NUBPL: variants seen among roughly 807,000 people sequenced by gnomAD.
NUBPL encodes NUBP iron-sulfur cluster assembly factor, mitochondrial, also known as iron-sulfur cluster transfer protein NUBPL.
NUBPL carries 31 observed loss-of-function variants against 45.7 expected under a neutral mutation model. The observed-to-expected ratio is 0.68, with a 90% CI of 0.51 to 0.92. The LOEUF (loss-of-function observed/expected upper bound fraction) is 0.92, where lower values mean the gene tolerates loss of function less well. Ranked by LOEUF, NUBPL falls within the 40% of genes least tolerant of loss-of-function variation. The probability of loss-of-function intolerance (pLI) is 0.00; values close to 1 mark genes in which losing one functional copy is unlikely to be tolerated. For missense variants in NUBPL, 401 were observed against 398.7 expected, an observed-to-expected ratio of 1.01 and a Z score of -0.05; for synonymous variants, 144 against 140.9, an observed-to-expected ratio of 1.02 and a Z score of -0.15.
intron 3 of NUBPL, among the ~76,000 whole-genome samples, chr14:31,567,756 T>C (rs1460323333): frequency 6.6e-6 from 1 of 152,222 alleles, no homozygotes; most frequent in Admixed American, 6.5e-5. Context: ...GTTCTTGTAA[T>C]GTGGCTGTTG....
intron 6 of NUBPL, among the ~76,000 whole-genome samples, chr14:31,679,337 G>A (rs951697727): frequency 2.0e-5 from 3 of 151,960 alleles, no homozygotes; most frequent in South Asian, 2.1e-4. Flanking sequence ...CGTTGGGGGC[G>A]GGGGGCAATT....
chr14:31,731,590 A>G (rs150794584), intron 6 of NUBPL, among the ~76,000 whole-genome samples: 5 of 152,354 alleles, frequency 3.3e-5, no homozygotes, highest in East Asian at 3.9e-4. Context: ...GATGCCAGGA[A>G]TGGATACAAA....
intron 3 of NUBPL, among the ~76,000 whole-genome samples, chr14:31,588,873 C>G (rs1345520958): frequency 6.9e-6 from 1 of 145,742 alleles, no homozygotes; most frequent in African/African-American, 2.5e-5. Context: ...GAGCCAAGAT[C>G]GTGCCACTCC....
At chr14:31,713,122 G>A (rs893538001) in intron 6 of NUBPL, among the ~76,000 whole-genome samples, 1 of 152,118 alleles carries the variant, frequency 6.6e-6, no homozygotes, top group Non-Finnish European at 1.5e-5. Context: ...TAAGACAAAC[G>A]TTAGTTTTAA....
intron 7 of NUBPL, among the ~76,000 whole-genome samples, chr14:31,799,511 T>G (rs1050813510): frequency 6.6e-6 from 1 of 152,182 alleles, no homozygotes; most frequent in Non-Finnish European, 1.5e-5. Flanking sequence ...TTGGGAATAT[T>G]ACAGGTTTGG....
At position 31,720,926 on chromosome 14, in the gene NUBPL, A is replaced by G. The variant is rs1003943947; in HGVS notation, c.513+47352A>G. Among the ~76,000 whole-genome samples, 3 of 152,218 alleles carry G rather than the reference A, an allele frequency of 2.0e-5. No homozygotes were observed. The South Asian group carries it at 6.2e-4, about 31-fold the overall frequency. On this transcript the variant is annotated intron_variant, in intron 6 of 10. Transcript: ENST00000281081. ...GTTTCCATAACCCTTACAATGAACC[A>G]TTTAAAGAGCCCTTGAATTCCTTCA...
chr14:31,590,546 G>C (rs964513939), intron 3 of NUBPL, among the ~76,000 whole-genome samples: 1 of 152,176 alleles, frequency 6.6e-6, no homozygotes, highest in Non-Finnish European at 1.5e-5. Context: ...CTTTTCTTTA[G>C]AAGAGCTGCT....
At chr14:31,726,050 A>C (rs1687819238) in intron 6 of NUBPL, among the ~76,000 whole-genome samples, 1 of 152,140 alleles carries the variant, frequency 6.6e-6, no homozygotes, top group South Asian at 2.1e-4. Flanking sequence ...TTTATCTAGA[A>C]GTGTCAAACA....
At chr14:31,799,031 GAGAAATGTTGTGAATT>G (rs1459941240) in intron 7 of NUBPL, among the ~76,000 whole-genome samples, 7 of 151,994 alleles carry the variant, frequency 4.6e-5, no homozygotes, top group African/African-American at 1.7e-4. Context: ...GCAGTTAGTA[GAGAAATGTTGTGAATT>G]AGAAAGAGCC....
chr14:31,702,839 T>A (rs2037368755), intron 6 of NUBPL, among the ~76,000 whole-genome samples: 1 of 152,236 alleles, frequency 6.6e-6, no homozygotes, highest in Admixed American at 6.5e-5. Context: ...CTTTATGCTG[T>A]TTAGGACTTC....
chr14:31,812,542 G>C (rs1180010458), intron 7 of NUBPL, among the ~76,000 whole-genome samples: 2 of 152,204 alleles, frequency 1.3e-5, no homozygotes, highest in African/African-American at 2.4e-5. Context: ...CAGTCTGTCA[G>C]GGCTTCCCTT....
At chr14:31,843,332 A>G (rs955736630) in intron 8 of NUBPL, among the ~76,000 whole-genome samples, 2 of 152,226 alleles carry the variant, frequency 1.3e-5, no homozygotes, top group Admixed American at 6.5e-5. Context: ...AAATGGACAT[A>G]TTTTAGACAG....
chr14:31,793,791 ACT>A (rs1021704109), intron 7 of NUBPL, among the ~76,000 whole-genome samples: 1 of 146,374 alleles, frequency 6.8e-6, no homozygotes, highest in Non-Finnish European at 1.5e-5. Context: ...ACTAGCTATT[ACT>A]GTTTATGTAG....
At chr14:31,694,550 C>T (rs1264495240) in intron 6 of NUBPL, among the ~76,000 whole-genome samples, 2 of 152,160 alleles carry the variant, frequency 1.3e-5, no homozygotes, top group African/African-American at 4.8e-5. Flanking sequence ...GAGTATTGCT[C>T]TGTCGCCCAG....
chr14:31,593,996 A>G (rs2034217825), intron 3 of NUBPL, among the ~76,000 whole-genome samples: 2 of 152,268 alleles, frequency 1.3e-5, no homozygotes, highest in South Asian at 4.1e-4. Flanking sequence ...TACACTGGAG[A>G]GAGACTTGGG....
chr14:31,640,614 C>CAAA (rs59871107), intron 4 of NUBPL, among the ~76,000 whole-genome samples: 1 of 97,028 alleles, frequency 1.0e-5, no homozygotes, highest in Non-Finnish European at 2.2e-5. Flanking sequence ...GACTCTGTCT[C>CAAA]AAAAAAAAAA....
chr14:31,787,377 A>G (rs1429796476), intron 6 of NUBPL, among the ~76,000 whole-genome samples: 2 of 152,222 alleles, frequency 1.3e-5, no homozygotes, highest in Non-Finnish European at 2.9e-5. Flanking sequence ...TGAAGGAAAT[A>G]TAATAAACTT....
chr14:31,639,430 G>A (rs1367292364), intron 4 of NUBPL, among the ~76,000 whole-genome samples: 1 of 152,184 alleles, frequency 6.6e-6, no homozygotes, highest in Non-Finnish European at 1.5e-5. Flanking sequence ...CTGTATGATC[G>A]TTCCTCTGGA....
In NUBPL at chr14:31,689,538, G is replaced by T. The variant is rs930389425; in HGVS notation, c.513+15964G>T. 2.0e-5 allele frequency among the ~76,000 whole-genome samples: 3 copies of T among 152,042 alleles called. No homozygotes were observed. The East Asian group carries it at 5.8e-4, about 29-fold the overall frequency. On this transcript the variant is annotated intron_variant, in intron 6 of 10. Coordinates refer to ENST00000281081, the MANE Select transcript of NUBPL (RefSeq NM_025152.3). ...TTTTTTTTCTTGTAAATTTGTTTAAGTTCCTTACAGATGCTGGATATTAGA... is the reference window on the plus strand; with the variant it reads ...TTTTTTTTCTTGTAAATTTGTTTAATTTCCTTACAGATGCTGGATATTAGA...
Sources: allele counts gnomAD v4.1 joint callset (sites outside exome capture counted in the v4.1 genomes callset), GRCh38; gene constraint gnomAD v4.1.1; transcripts MANE v1.5; gene names NCBI Gene and HGNC (gene_info 2026-07-23, HGNC 2026-07-21).